ASB4: variants seen among roughly 807,000 people sequenced by gnomAD.
The protein encoded by ASB4 is ankyrin repeat and SOCS box containing 4.
A neutral mutation model predicts 38.6 loss-of-function variants in ASB4; 35 were observed. The ratio of observed to expected loss-of-function variants is 0.91; its 90% CI spans 0.69 to 1.20. The LOEUF is 1.20. ASB4 is among the 50% of genes most tolerant of loss of function. ASB4 has a pLI of 0.00. For synonymous variants in ASB4, 195 were observed against 201.3 expected (o/e 0.97, Z 0.26); for missense variants, 557 against 527.2 (o/e 1.06, Z -0.55).
chr7:95,515,316 T>TTC (rs1562817356), intron 2 of ASB4, among the ~76,000 whole-genome samples: 2,580 of 95,830 alleles, frequency 0.027, 84 homozygotes, highest in Middle Eastern at 0.049. Flanking sequence ...TTTCTTTCTT[T>TTC]CTTCCTTCCT....
chr7:95,502,163 C>T (rs890292026), intron 2 of ASB4, among the ~76,000 whole-genome samples: 2 of 150,364 alleles, frequency 1.3e-5, no homozygotes, highest in Admixed American at 6.6e-5. Context: ...CGACCAAGAA[C>T]AGGAATATTT....
upstream of ASB4, among the ~76,000 whole-genome samples, chr7:95,481,383 G>C (rs1260014347): frequency 2.0e-5 from 3 of 152,040 alleles, no homozygotes; most frequent in Non-Finnish European, 4.4e-5. Context: ...ACAAGATGAC[G>C]TGTAATAAGT....
intron 2 of ASB4, among the ~76,000 whole-genome samples, chr7:95,506,327 G>C (rs1474248595): frequency 1.3e-5 from 2 of 152,146 alleles, no homozygotes; most frequent in Non-Finnish European, 2.9e-5. Flanking sequence ...TGTGCATCTG[G>C]TGAACCACTG....
Position 95,515,316 on chromosome 7 carries a change from T to TTCCTTCCTTC in ASB4, c.488-12497_488-12496insTCCTTCCTTC, listed in dbSNP as rs1562817356. 1.1e-3 allele frequency among the ~76,000 whole-genome samples: 102 copies of TTCCTTCCTTC among 95,812 alleles called. 1 individual carries two copies. The highest frequency in any genetic ancestry group is 4.7e-3 in the East Asian group (15 of 3,218). The allele number at this position is 95,812 out of a possible 152,430, so 62.9% of individuals were successfully genotyped here. On this transcript the variant is annotated intron_variant, in intron 2 of 4. Transcript: ENST00000325885. ...TTCTTTCTTTCTTTCTTTCTTTCTT[T>TTCCTTCCTTC]CTTCCTTCCTTCCTTCCTTTCTTTC...
Position 95,539,027 on chromosome 7 carries a change from A to T in ASB4, c.*1268A>T, listed in dbSNP as rs1178000727. 6.6e-6 allele frequency: 1 copy of T among 151,876 alleles called. No individual in the cohort carries two copies. The highest frequency in any genetic ancestry group is 1.5e-5 in the Non-Finnish European group (1 of 67,998). 9.4% of individuals were successfully genotyped at this position (151,876 alleles called of 1,614,324 possible). A position where few individuals can be genotyped will look rare whatever the true frequency, so the allele number is the denominator to read the frequency against. Reference sequence around the variant, plus strand: ...GCAGAAAGAAAAATGTAGGTGATTAAGCTCTGGGCCTTGTGGTTTATGAGG... The same window carrying T: ...GCAGAAAGAAAAATGTAGGTGATTATGCTCTGGGCCTTGTGGTTTATGAGG... On this transcript the variant is annotated 3_prime_UTR_variant, in exon 5 of 5. Transcript: ENST00000325885.
chr7:95,528,456 T>A, intron 3 of ASB4, 153 bp downstream of exon 3: 1 of 1,462,200 alleles, frequency 6.8e-7, no homozygotes, highest in African/African-American at 1.4e-5. Flanking sequence ...TAATCCTAGC[T>A]GTCTCCTCAT....
chr7:95,491,815 C>T (rs1363944724), intron 1 of ASB4, among the ~76,000 whole-genome samples: 2 of 152,106 alleles, frequency 1.3e-5, no homozygotes, highest in East Asian at 1.9e-4. Flanking sequence ...ACCTGTAGGC[C>T]CAGCCTCATT....
At chr7:95,512,587 G>T (rs1046658621) in intron 2 of ASB4, among the ~76,000 whole-genome samples, 3 of 152,196 alleles carry the variant, frequency 2.0e-5, no homozygotes, top group African/African-American at 7.2e-5. Flanking sequence ...AATCTTTCAT[G>T]TGCTAATGTG....
At chr7:95,521,698 AAC>A (rs1491039426) in intron 2 of ASB4, among the ~76,000 whole-genome samples, 2 of 151,786 alleles carry the variant, frequency 1.3e-5, no homozygotes, top group African/African-American at 4.8e-5. Flanking sequence ...AAAAAAAAAA[AAC>A]AGTTCTCTAT....
intron 2 of ASB4, among the ~76,000 whole-genome samples, chr7:95,520,262 C>G (rs1395008368): frequency 6.6e-6 from 1 of 152,172 alleles, no homozygotes; most frequent in Admixed American, 6.5e-5. Flanking sequence ...ACAAAGGGAG[C>G]AGAAACAAAA....
chr7:95,484,985 T>C (rs1790067001), upstream of ASB4, among the ~76,000 whole-genome samples: 1 of 146,106 alleles, frequency 6.8e-6, no homozygotes, highest in Non-Finnish European at 1.5e-5. Flanking sequence ...TATGTATATA[T>C]GTGTATATAT....
chr7:95,512,275 G>A (rs1790493056), intron 2 of ASB4, among the ~76,000 whole-genome samples: 1 of 152,180 alleles, frequency 6.6e-6, no homozygotes, highest in Admixed American at 6.5e-5. Context: ...TTCCATTCAT[G>A]AGGGCAAAAT....
intron 3 of ASB4, among the ~76,000 whole-genome samples, chr7:95,535,541 G>A (rs558084067): frequency 2.7e-4 from 41 of 152,308 alleles, no homozygotes; most frequent in African/African-American, 9.6e-4. Flanking sequence ...AAAGAAAGAT[G>A]ATTAAACTGG....
chr7:95,486,130 GA>G lies in ASB4; in HGVS notation c.161del (p.Asn54IlefsTer18), dbSNP rs749830093. On this transcript the variant is annotated frameshift_variant, in exon 1 of 5. Transcript: ENST00000325885. LOFTEE classifies it high-confidence loss of function. ...ACACTGTTTTTGAAGTCGAAGATGAGAATATGGTTTTGGCATCTTATAAACA... is the reference window on the plus strand; with the variant it reads ...ACACTGTTTTTGAAGTCGAAGATGAGATATGGTTTTGGCATCTTATAAACA... Reference protein sequence around the residue: ...VDTVFEVEDENMVLASYKQGY... With the variant: ...VDTVFEVEDEXMVLASYKQGY... The G allele has an allele frequency of 6.2e-7, 1 of 1,613,996 alleles. No homozygotes were observed. Among genetic ancestry groups the G allele is most frequent in the Admixed American group, 1.7e-5 (1 of 60,010 alleles).
At chr7:95,482,331 T>C (rs1372874182), upstream of ASB4, among the ~76,000 whole-genome samples, 1 of 152,176 alleles carries the variant, frequency 6.6e-6, no homozygotes, top group Non-Finnish European at 1.5e-5. Context: ...ATTATAGCCA[T>C]CTCTTTAGGC....
intron 2 of ASB4, among the ~76,000 whole-genome samples, chr7:95,527,094 A>G (rs528238693): frequency 1.3e-5 from 2 of 152,314 alleles, no homozygotes; most frequent in Admixed American, 6.5e-5. Context: ...TCTCTCTTTC[A>G]ATGAATATTT....
At chr7:95,488,481 T>C (rs1364496884) in intron 1 of ASB4, among the ~76,000 whole-genome samples, 10 of 152,234 alleles carry the variant, frequency 6.6e-5, no homozygotes, top group African/African-American at 1.2e-4. Context: ...TCTAAGTGGT[T>C]ATATCAATTT....
intron 1 of ASB4, 63 bp downstream of exon 1, chr7:95,486,221 C>G: frequency 7.8e-7 from 1 of 1,277,774 alleles, no homozygotes; most frequent in Non-Finnish European, 1.1e-6. Flanking sequence ...TGCACAGTGT[C>G]AGTTATCCAC....
chr7:95,541,151 C>T (rs1279073807), downstream of ASB4, among the ~76,000 whole-genome samples: 1 of 152,168 alleles, frequency 6.6e-6, no homozygotes, highest in Non-Finnish European at 1.5e-5. Context: ...TGCTCTCTGT[C>T]TGGGTCCCCT....
Sources: gnomAD v4.1 joint callset for allele counts (sites outside exome capture counted in the v4.1 genomes callset) on GRCh38, gnomAD v4.1.1 for gene constraint, MANE v1.5 for transcripts, NCBI Gene and HGNC (gene_info 2026-07-23, HGNC 2026-07-21) for gene names.